Variants in SMOC2 observed in about 807,000 individuals in gnomAD.
SMOC2 encodes the protein SPARC related modular calcium binding 2.
In SMOC2, 39 loss-of-function variants were observed where a neutral mutation model predicts 61.4. That is an observed-to-expected ratio of 0.64 (90% CI 0.49 to 0.83). The LOEUF (loss-of-function observed/expected upper bound fraction) is 0.83. Ranked by LOEUF, SMOC2 falls within the 40% of genes least tolerant of loss-of-function variation. The pLI is 0.00. For synonymous variants in SMOC2, 247 were observed against 239.9 expected (o/e 1.03, Z -0.27); for missense variants, 556 against 592.9 (o/e 0.94, Z 0.65).
chr6:168,571,018 G>A (rs1429544364), intron 7 of SMOC2, among the ~76,000 whole-genome samples: 2 of 152,134 alleles, frequency 1.3e-5, no homozygotes, highest in African/African-American at 2.4e-5. Flanking sequence ...TCTGAAGGAG[G>A]GGAGTTCAGG....
At chr6:168,640,436 C>T (rs964316288) in intron 9 of SMOC2, among the ~76,000 whole-genome samples, 5 of 152,128 alleles carry the variant, frequency 3.3e-5, no homozygotes, top group East Asian at 1.9e-4. Context: ...CAGCCAGGCA[C>T]CAACCCCAGA....
At chr6:168,580,017 A>G (rs1267130246) in intron 7 of SMOC2, among the ~76,000 whole-genome samples, 1 of 152,082 alleles carries the variant, frequency 6.6e-6, no homozygotes, top group African/African-American at 2.4e-5. Flanking sequence ...TGGGAGGCAA[A>G]TGGGACTTGG....
chr6:168,571,699 A>C (rs1784669426), intron 7 of SMOC2, among the ~76,000 whole-genome samples: 2 of 152,220 alleles, frequency 1.3e-5, no homozygotes, highest in Admixed American at 1.3e-4. Context: ...GATTGTGTCC[A>C]GGATGGATTT....
chr6:168,525,246 G>A (rs745332306), intron 2 of SMOC2, among the ~76,000 whole-genome samples: 1 of 152,226 alleles, frequency 6.6e-6, no homozygotes, highest in South Asian at 2.1e-4. Context: ...CCAACGTGAC[G>A]TCGTCTCCTG....
intron 1 of SMOC2, among the ~76,000 whole-genome samples, chr6:168,444,250 T>C (rs968252631): frequency 5.3e-5 from 8 of 152,140 alleles, no homozygotes; most frequent in Admixed American, 2.0e-4. Context: ...ACTCCATTCA[T>C]TTCTTCTCAT....
intron 1 of SMOC2, among the ~76,000 whole-genome samples, chr6:168,471,030 A>G (rs1384626473): frequency 6.6e-6 from 1 of 152,208 alleles, no homozygotes; most frequent in Non-Finnish European, 1.5e-5. Flanking sequence ...ATTTTGTAAT[A>G]TTGTTGTAAT....
intron 2 of SMOC2, among the ~76,000 whole-genome samples, chr6:168,524,467 A>C (rs1355814357): frequency 1.3e-5 from 2 of 152,264 alleles, no homozygotes; most frequent in Non-Finnish European, 2.9e-5. Context: ...TGAAGTCTTT[A>C]AAAGAAGTCC....
intron 9 of SMOC2, among the ~76,000 whole-genome samples, chr6:168,635,469 T>A (rs1323415247): frequency 6.6e-6 from 1 of 152,250 alleles, no homozygotes; most frequent in Non-Finnish European, 1.5e-5. Flanking sequence ...ATTTCATGTC[T>A]ATTTTAATTA....
At chr6:168,449,940 G>A (rs1781424698) in intron 1 of SMOC2, among the ~76,000 whole-genome samples, 2 of 152,162 alleles carry the variant, frequency 1.3e-5, no homozygotes, top group Non-Finnish European at 1.5e-5. Flanking sequence ...ATCCCATTCC[G>A]ACCCTGGTCA....
intron 9 of SMOC2, among the ~76,000 whole-genome samples, chr6:168,648,269 G>A (rs1398607511): frequency 6.6e-6 from 1 of 152,250 alleles, no homozygotes; most frequent in Non-Finnish European, 1.5e-5. Flanking sequence ...AGCCCTGGCA[G>A]GCAGGTGCCC....
intron 2 of SMOC2, among the ~76,000 whole-genome samples, chr6:168,520,524 C>T (rs556720910): frequency 2.6e-5 from 4 of 152,176 alleles, no homozygotes; most frequent in African/African-American, 4.8e-5. Context: ...TTTACATGGC[C>T]GTGGCCATAA....
intron 7 of SMOC2, among the ~76,000 whole-genome samples, chr6:168,588,725 C>G (rs1217343905): frequency 6.6e-6 from 1 of 152,154 alleles, no homozygotes; most frequent in African/African-American, 2.4e-5. Context: ...GTGCAACCTG[C>G]CATATTTTTG....
At chr6:168,562,682 G>T (rs375934390) in intron 7 of SMOC2, among the ~76,000 whole-genome samples, 1 of 152,204 alleles carries the variant, frequency 6.6e-6, no homozygotes, top group Non-Finnish European at 1.5e-5. Context: ...CGCATCCGGG[G>T]TTATCAGGTA....
intron 7 of SMOC2, among the ~76,000 whole-genome samples, chr6:168,569,461 G>A (rs1443507812): frequency 6.6e-6 from 1 of 151,890 alleles, no homozygotes; most frequent in Non-Finnish European, 1.5e-5. Context: ...GTTTTTTTGA[G>A]ACAGGGTCTC....
intron 9 of SMOC2, among the ~76,000 whole-genome samples, chr6:168,644,644 CTTT>C (rs34203137): frequency 0.01 from 1,008 of 99,464 alleles, 6 homozygotes; most frequent in African/African-American, 0.033. Context: ...GAATGCCTTT[CTTT>C]TTTTTTTTTT....
At position 168,589,944 on chromosome 6, in the gene SMOC2, C is replaced by T. The variant is rs9346728; in HGVS notation, c.638-8874C>T. Among the ~76,000 whole-genome samples the T allele has an allele frequency of 2.0e-4, 12 of 59,342 alleles. No individual in the cohort carries two copies. In the East Asian group the frequency reaches 5.6e-3, roughly 28 times the overall value. 38.9% of individuals were successfully genotyped at this position (59,342 alleles called of 152,430 possible). A position where few individuals can be genotyped will look rare whatever the true frequency, so the allele number is the denominator to read the frequency against. On this transcript the variant is annotated intron_variant, in intron 7 of 12. Coordinates refer to ENST00000356284, the MANE Select transcript of SMOC2 (RefSeq NM_001166412.2). ...GTGTGGCATGAGTTTAGGGGGCAGCCGGTCTGGTGGTGGTCAGGTGTGGCA... is the reference window on the plus strand; with the variant it reads ...GTGTGGCATGAGTTTAGGGGGCAGCTGGTCTGGTGGTGGTCAGGTGTGGCA...
At chr6:168,664,384 C>CTTTTTTTTTTTTTTTTTTT (rs750178882) in intron 12 of SMOC2, 12 of 283,074 alleles carry the variant, frequency 4.2e-5, no homozygotes, top group African/African-American at 4.0e-4. Flanking sequence ...TTTGGTAGAT[C>CTTTTTTTTTTTTTTTTTTT]TTTTTTTTTT....
intron 7 of SMOC2, among the ~76,000 whole-genome samples, chr6:168,558,375 T>C (rs931371078): frequency 6.6e-6 from 1 of 151,954 alleles, no homozygotes; most frequent in African/African-American, 2.4e-5. Flanking sequence ...TGGAGAGATA[T>C]TAGGTGTGCT....
chr6:168,610,233 A>G (rs9456240), intron 9 of SMOC2, among the ~76,000 whole-genome samples: 101,886 of 152,054 alleles, frequency 0.67, 34,336 homozygotes, highest in Middle Eastern at 0.8. Flanking sequence ...AGATGCTCAC[A>G]ATGAAGACGG....
Sources: gnomAD v4.1 joint callset for allele counts (sites outside exome capture counted in the v4.1 genomes callset) on GRCh38, gnomAD v4.1.1 for gene constraint, MANE v1.5 for transcripts, NCBI Gene and HGNC (gene_info 2026-07-23, HGNC 2026-07-21) for gene names.